PTPRF: variants seen among roughly 807,000 people sequenced by gnomAD.
PTPRF encodes receptor-type tyrosine-protein phosphatase F.
PTPRF carries 59 observed loss-of-function variants against 201.8 expected under a neutral mutation model. That is an observed-to-expected ratio of 0.29 (90% CI 0.24 to 0.36). The LOEUF (loss-of-function observed/expected upper bound fraction) is 0.36, where lower values mean the gene tolerates loss of function less well. PTPRF is among the 10% of genes least tolerant of loss of function. PTPRF has a pLI of 1.00. For missense variants in PTPRF, 2,132 were observed against 2,690.5 expected, an observed-to-expected ratio of 0.79 and a Z score of 4.59; for synonymous variants, 1,088 against 1,089.7, an observed-to-expected ratio of 1.00 and a Z score of 0.03.
At position 43,621,137 on chromosome 1, in the gene PTPRF, A is replaced by ATCG; in HGVS notation, c.5563_5565dup (p.Val1855dup). 6.2e-7 allele frequency: 1 copy of ATCG among 1,614,156 alleles called. No homozygotes were observed. On this transcript the variant is annotated inframe_insertion, in exon 33 of 34. Transcript: ENST00000359947. ...CACCGGGGTGTTCATCACTCTGAGC[A>ATCG]TCGTCCTGGAGCGCATGCGCTACGA...
At chr1:43,544,902 TG>T (rs898644594) in intron 2 of PTPRF, 128 bp from the exon 3 acceptor site, 4 of 603,112 alleles carry the variant, frequency 6.6e-6, no homozygotes, top group African/African-American at 1.9e-5. Flanking sequence ...ACAGCCCAAG[TG>T]GGGGGCTCTG....
upstream of PTPRF, among the ~76,000 whole-genome samples, chr1:43,523,239 G>C (rs1298136243): frequency 6.6e-6 from 1 of 152,164 alleles, no homozygotes; most frequent in African/African-American, 2.4e-5. Flanking sequence ...CACAGGTGGA[G>C]ATGTTGACTA....
chr1:43,617,418 C>T, intron 23 of PTPRF, 27 bp from the exon 24 acceptor site: 1 of 1,613,844 alleles, frequency 6.2e-7, no homozygotes, highest in South Asian at 1.1e-5. Flanking sequence ...CTTACCCCAC[C>T]CCACCCGCTT....
chr1:43,547,923 T>C (rs1233343242), intron 3 of PTPRF, among the ~76,000 whole-genome samples: 1 of 152,146 alleles, frequency 6.6e-6, no homozygotes, highest in Non-Finnish European at 1.5e-5. Flanking sequence ...CAGAGGTTTT[T>C]GCTGATCTCA....
intron 22 of PTPRF, chr1:43,613,034 C>T (rs1223170052): frequency 5.5e-6 from 2 of 364,142 alleles, no homozygotes; most frequent in Non-Finnish European, 1.1e-5. Flanking sequence ...CTCTGTTCTG[C>T]CTCTCTGGCC....
At position 43,585,020 on chromosome 1, in the gene PTPRF, G is replaced by A. The variant is rs1390215621; in HGVS notation, c.680-3711G>A. On this transcript the variant is annotated intron_variant, in intron 7 of 33. Transcript: ENST00000359947. The stretch of plus-strand genomic sequence containing the variant: ...TATAATCCAGAAATGGCAGGGCCCT[G>A]TTTTGGAAATTGTCTATAAAATGTC... Among the ~76,000 whole-genome samples the A allele has an allele frequency of 2.0e-5, 3 of 152,348 alleles. No homozygotes were observed. In the East Asian group the frequency reaches 5.8e-4, roughly 29 times the overall value.
chr1:43,604,589 C>T (rs566035887), intron 16 of PTPRF, among the ~76,000 whole-genome samples: 5 of 152,352 alleles, frequency 3.3e-5, no homozygotes, highest in Admixed American at 2.0e-4. Context: ...TGACCGAAAC[C>T]CACTGACCCT....
intron 3 of PTPRF, among the ~76,000 whole-genome samples, chr1:43,548,376 G>C (rs779110468): frequency 4.6e-5 from 7 of 152,020 alleles, no homozygotes; most frequent in Non-Finnish European, 8.8e-5. Context: ...CTGAGGAGCT[G>C]GGAGTGTGTC....
At chr1:43,577,649 G>A (rs1366372333) in intron 6 of PTPRF, among the ~76,000 whole-genome samples, 4 of 152,144 alleles carry the variant, frequency 2.6e-5, no homozygotes, top group African/African-American at 9.7e-5. Context: ...TCCAGGCAGG[G>A]GGGGCCCGGC....
At chr1:43,571,791 C>T (rs905044173) in intron 6 of PTPRF, among the ~76,000 whole-genome samples, 5 of 152,268 alleles carry the variant, frequency 3.3e-5, no homozygotes, top group African/African-American at 9.6e-5. Context: ...CGCTCCCAAG[C>T]AAGGCTTAGA....
At chr1:43,602,021 C>T in intron 13 of PTPRF, 50 bp from the exon 14 acceptor site, 2 of 1,590,888 alleles carry the variant, frequency 1.3e-6, no homozygotes, top group Non-Finnish European at 1.7e-6. Flanking sequence ...CTCTCCAGGT[C>T]AGAGTCCTTC....
At chr1:43,618,035 A>G (rs948209107) in intron 25 of PTPRF, 124 bp downstream of exon 25, 74 of 1,037,694 alleles carry the variant, frequency 7.1e-5, no homozygotes, top group South Asian at 2.8e-4. Context: ...CCCAGATGCT[A>G]TTGTTACTGG....
chr1:43,544,315 A>G (rs1343549450), intron 2 of PTPRF, among the ~76,000 whole-genome samples: 1 of 152,156 alleles, frequency 6.6e-6, no homozygotes, highest in South Asian at 2.1e-4. Context: ...TTCTCTGTGA[A>G]GTAGGAAGGT....
At position 43,603,278 on chromosome 1, in the gene PTPRF, T is replaced by C. The variant is rs922912303; in HGVS notation, c.2341-138T>C. 6.8e-6 allele frequency: 5 copies of C among 739,838 alleles called. No homozygotes were observed. Among genetic ancestry groups the C allele is most frequent in the Non-Finnish European group, 9.2e-6 (4 of 432,518 alleles). The allele number at this position is 739,838 out of a possible 1,614,324, so 45.8% of individuals were successfully genotyped here. A position where few individuals can be genotyped will look rare whatever the true frequency, so the allele number is the denominator to read the frequency against. ...GCTTCCTCTCCAGCAGAGGCCACCA[T>C]TGTATAGCCCCACCTTCCACAACCC... On this transcript the variant is annotated intron_variant, in intron 14 of 33. Transcript: ENST00000359947. This position sits in a 1 kb window ranked among gnomAD's most constrained non-coding sequence, Gnocchi z 5.8.
chr1:43,525,622 T>A (rs1041418354), upstream of PTPRF, among the ~76,000 whole-genome samples: 23 of 151,882 alleles, frequency 1.5e-4, no homozygotes, highest in Admixed American at 1.4e-3. Flanking sequence ...CTGGCCAATA[T>A]GGTGAAACCC....
upstream of PTPRF, among the ~76,000 whole-genome samples, chr1:43,526,909 C>T (rs762916234): frequency 4.6e-5 from 7 of 152,196 alleles, no homozygotes; most frequent in Non-Finnish European, 8.8e-5. Context: ...CTCTGCAAGG[C>T]TGTGGAGCAC....
At chr1:43,612,162 A>G (rs1656597946) in intron 22 of PTPRF, among the ~76,000 whole-genome samples, 1 of 152,056 alleles carries the variant, frequency 6.6e-6, no homozygotes, top group African/African-American at 2.4e-5. Flanking sequence ...GGACTTAATG[A>G]GGTAGGGCAG....
chr1:43,553,765 GAGTAGGC>G lies in PTPRF; in HGVS notation c.238-34_238-28del. On this transcript the variant is annotated intron_variant, in intron 4 of 33. Transcript: ENST00000359947. The surrounding 1 kb of genome is among the most constrained non-coding windows in gnomAD (Gnocchi z 4.1). Reference sequence around the variant, plus strand: ...GACCCTGAGCAGGCTCCTGTGTCCTGAGTAGGCTGTGACCCCATGTCTGTCCTCTGAC... The same window carrying G: ...GACCCTGAGCAGGCTCCTGTGTCCTGTGTGACCCCATGTCTGTCCTCTGAC... 1 of 1,613,754 alleles carries G rather than the reference GAGTAGGC, an allele frequency of 6.2e-7. No homozygotes were observed. The highest frequency in any genetic ancestry group is 8.5e-7 in the Non-Finnish European group (1 of 1,179,866).
At position 43,605,366 on chromosome 1, in the gene PTPRF, G is replaced by GCTGCCTGCCT; in HGVS notation, c.3319_3328dup (p.Tyr1110CysfsTer34). ...CCCCCGACCTCCTGCCTCACAAGCCGCTGCCTGCCTCTGCCTACATAGAGG... is the reference window on the plus strand; with the variant it reads ...CCCCCGACCTCCTGCCTCACAAGCCGCTGCCTGCCTCTGCCTGCCTCTGCCTACATAGAGG... On this transcript the variant is annotated frameshift_variant, in exon 18 of 34. Coordinates refer to ENST00000359947, the MANE Select transcript of PTPRF (RefSeq NM_002840.5). LOFTEE classifies it high-confidence loss of function. 1 of 1,613,888 alleles carries GCTGCCTGCCT rather than the reference G, an allele frequency of 6.2e-7. No homozygotes were observed. Among genetic ancestry groups the GCTGCCTGCCT allele is most frequent in the Non-Finnish European group, 8.5e-7 (1 of 1,179,958 alleles).
Sources: gnomAD v4.1 joint callset for allele counts (sites outside exome capture counted in the v4.1 genomes callset) on GRCh38, gnomAD v4.1.1 for gene constraint, Gnocchi (gnomAD v3.1) non-coding constraint, MANE v1.5 for transcripts, NCBI Gene and HGNC (gene_info 2026-07-23, HGNC 2026-07-21) for gene names.